ARSG: variants seen among roughly 807,000 people sequenced by gnomAD.
ARSG encodes ASG.
Under a neutral mutation model 50.5 loss-of-function variants are expected in ARSG, and 37 were observed. That is an observed-to-expected ratio of 0.73 (90% confidence interval 0.56 to 0.96). ARSG has a LOEUF of 0.96. Ranked by LOEUF, ARSG falls within the 50% of genes least tolerant of loss-of-function variation. ARSG has a pLI of 0.00. For missense variants in ARSG, 629 were observed against 675.3 expected, an observed-to-expected ratio of 0.93 and a Z score of 0.76; for synonymous variants, 225 against 254.6, an observed-to-expected ratio of 0.88 and a Z score of 1.11.
chr17:68,260,546 G>A (rs2075056777), intron 1 of ARSG, among the ~76,000 whole-genome samples: 1 of 152,198 alleles, frequency 6.6e-6, no homozygotes, highest in African/African-American at 2.4e-5. Context: ...GGAGTGCAGT[G>A]GCATGATCAC....
intron 2 of ARSG, among the ~76,000 whole-genome samples, chr17:68,317,304 G>A (rs145306003): frequency 4.5e-4 from 69 of 152,260 alleles, no homozygotes; most frequent in African/African-American, 1.4e-3. Context: ...AGGTCAAAGA[G>A]CATTCATGTC....
intron 2 of ARSG, among the ~76,000 whole-genome samples, chr17:68,324,164 C>A (rs1599722835): frequency 6.6e-6 from 1 of 151,446 alleles, no homozygotes; most frequent in Non-Finnish European, 1.5e-5. Flanking sequence ...CATTTGAATT[C>A]TCTTAGCATT....
At chr17:68,310,076 C>T (rs782095192) in intron 2 of ARSG, among the ~76,000 whole-genome samples, 3 of 151,272 alleles carry the variant, frequency 2.0e-5, no homozygotes, top group South Asian at 2.1e-4. Flanking sequence ...CGGGTTCAAG[C>T]GATTCTCCTG....
intron 2 of ARSG, 133 bp from the exon 3 acceptor site, chr17:68,343,471 C>T: frequency 1.1e-6 from 1 of 942,892 alleles, no homozygotes; most frequent in Non-Finnish European, 1.5e-6. Flanking sequence ...ATCCCATTTC[C>T]TGACTTGTTC....
upstream of ARSG, chr17:68,291,002 A>T (rs1355522231): frequency 1.3e-5 from 2 of 152,194 alleles, no homozygotes; most frequent in Non-Finnish European, 2.9e-5. Flanking sequence ...CATCACAAAA[A>T]AAGGCCCCAA....
the ARSG span, among the ~76,000 whole-genome samples, chr17:68,434,953 G>A: frequency 2.0e-5 from 3 of 152,134 alleles, no homozygotes; most frequent in Non-Finnish European, 4.4e-5. Flanking sequence ...TGTAATCCTA[G>A]CACTTTGGGA....
chr17:68,440,163 C>T, the ARSG span, among the ~76,000 whole-genome samples: 2 of 152,180 alleles, frequency 1.3e-5, no homozygotes, highest in Non-Finnish European at 2.9e-5. Flanking sequence ...CAGGCTCGCA[C>T]CTCTACCAAT....
At chr17:68,289,159 A>G (rs1555755040), upstream of ARSG, among the ~76,000 whole-genome samples, 3 of 152,162 alleles carry the variant, frequency 2.0e-5, no homozygotes, top group African/African-American at 7.2e-5. Flanking sequence ...CAACCCGGGC[A>G]ACATAGTGAG....
intron 1 of ARSG, among the ~76,000 whole-genome samples, chr17:68,263,900 C>T (rs1555745771): frequency 6.6e-6 from 1 of 152,092 alleles, no homozygotes; most frequent in East Asian, 1.9e-4. Context: ...CTCTGTCGCC[C>T]AGGCTAGGGT....
intron 2 of ARSG, among the ~76,000 whole-genome samples, chr17:68,316,234 A>G (rs1168411759): frequency 3.3e-5 from 5 of 152,122 alleles, no homozygotes; most frequent in Non-Finnish European, 5.9e-5. Flanking sequence ...CTCAAATACC[A>G]TGTCCTCAGA....
intron 8 of ARSG, among the ~76,000 whole-genome samples, chr17:68,383,419 C>T (rs1599998143): frequency 6.6e-6 from 1 of 152,196 alleles, no homozygotes; most frequent in Admixed American, 6.5e-5. Context: ...TGGCTTGTTT[C>T]CTGGAACCAC....
At chr17:68,338,358 G>A (rs754045064) in intron 2 of ARSG, among the ~76,000 whole-genome samples, 3 of 152,078 alleles carry the variant, frequency 2.0e-5, no homozygotes, top group African/African-American at 4.8e-5. Context: ...TTTCCTCTCC[G>A]CTTTAAAACT....
the ARSG span, chr17:68,428,891 G>A: frequency 6.2e-7 from 1 of 1,614,156 alleles, no homozygotes; most frequent in Non-Finnish European, 8.5e-7. Flanking sequence ...ACATATAAAG[G>A]TGTCCACTGG....
chr17:68,392,810 C>T (rs28483915), intron 9 of ARSG, among the ~76,000 whole-genome samples: 21,684 of 152,148 alleles, frequency 0.14, 2,805 homozygotes, highest in East Asian at 0.36. Flanking sequence ...GCATTCACTA[C>T]TTTGTAATGG....
At chr17:68,371,232 A>G (rs1017124775) in intron 8 of ARSG, among the ~76,000 whole-genome samples, 1 of 147,904 alleles carries the variant, frequency 6.8e-6, no homozygotes, top group African/African-American at 2.5e-5. Context: ...AGGCAGGAGA[A>G]TGGCGTGAAC....
At chr17:68,389,786 C>T (rs2080905321) in intron 9 of ARSG, among the ~76,000 whole-genome samples, 1 of 152,082 alleles carries the variant, frequency 6.6e-6, no homozygotes, top group African/African-American at 2.4e-5. Flanking sequence ...AAAACGTTCT[C>T]AGCTTCTCTG....
intron 4 of ARSG, among the ~76,000 whole-genome samples, chr17:68,349,806 C>T (rs536518649): frequency 8.5e-5 from 13 of 152,126 alleles, no homozygotes; most frequent in South Asian, 2.1e-4. Flanking sequence ...TCGCTTGAAC[C>T]CAGGAGGTGG....
rs555888280 is a variant in ARSG, at chr17:68,366,673, A to ATGTGTGTGTGTGTG, written c.705-1872_705-1871insGTGTGTGTGTGTGT. 2.7e-3 allele frequency among the ~76,000 whole-genome samples: 365 copies of ATGTGTGTGTGTGTG among 134,982 alleles called. 3 individuals are homozygous for ATGTGTGTGTGTGTG. Among genetic ancestry groups the ATGTGTGTGTGTGTG allele is most frequent in the African/African-American group, 8.5e-3 (306 of 36,180 alleles). 88.6% of individuals were successfully genotyped at this position (134,982 alleles called of 152,430 possible). ...GCATTTGAAATGTGGCTAGGAATTT[A>ATGTGTGTGTGTGTG]TGTATGTGTGTGTGTGTGTGTGTGT... On this transcript the variant is annotated intron_variant, in intron 6 of 11. Coordinates refer to ENST00000621439, the MANE Select transcript of ARSG (RefSeq NM_001267727.2).
chr17:68,433,780 T>TTTTTTTTTTTTTTTTTTTTTTTTTTTG, the ARSG span, among the ~76,000 whole-genome samples: 1 of 126,016 alleles, frequency 7.9e-6, no homozygotes, highest in African/African-American at 3.2e-5. Context: ...TTTTTTTTTT[T>TTTTTTTTTTTTTTTTTTTTTTTTTTTG]TTTTTTTTTT....
Sources: gnomAD v4.1 joint callset for allele counts (sites outside exome capture counted in the v4.1 genomes callset) on GRCh38, gnomAD v4.1.1 for gene constraint, MANE v1.5 for transcripts, NCBI Gene and HGNC (gene_info 2026-07-23, HGNC 2026-07-21) for gene names.